Variants in ABHD18 observed in about 807,000 individuals in gnomAD.
ABHD18 encodes cardiolipin-specific deacylase, mitochondrial.
ABHD18 carries 55 observed loss-of-function variants against 65.9 expected under a neutral mutation model. The observed-to-expected ratio is 0.84, with a 90% confidence interval of 0.67 to 1.05. The LOEUF is 1.05. Ranked by LOEUF, ABHD18 falls within the 50% of genes least tolerant of loss-of-function variation. The pLI, the probability that ABHD18 is intolerant of heterozygous loss-of-function variation, is 0.00. For synonymous variants in ABHD18, 181 were observed against 180.2 expected (o/e 1.00, Z -0.04); for missense variants, 533 against 558.5 (o/e 0.95, Z 0.46).
intron 10 of ABHD18, among the ~76,000 whole-genome samples, chr4:128,027,921 T>C (rs140487925): frequency 2.2e-3 from 342 of 152,326 alleles, no homozygotes; most frequent in African/African-American, 7.7e-3. Context: ...GTGTAAGTCA[T>C]TTATCTTAGT....
chr4:127,987,483 A>G (rs998879065), intron 3 of ABHD18, among the ~76,000 whole-genome samples: 3 of 150,972 alleles, frequency 2.0e-5, no homozygotes, highest in Admixed American at 6.6e-5. Flanking sequence ...GCTGAGGAGC[A>G]TGGATCACTT....
intron 1 of ABHD18, among the ~76,000 whole-genome samples, chr4:127,981,403 ATAGT>A (rs34446819): frequency 0.21 from 32,172 of 151,890 alleles, 4,122 homozygotes; most frequent in Admixed American, 0.27. Flanking sequence ...TCTTATTTTG[ATAGT>A]TAGATAGATT....
rs372994672 is a variant in ABHD18, at chr4:128,008,874, T to A, written c.279-46T>A. On this transcript the variant is annotated intron_variant, in intron 4 of 12. Transcript: ENST00000645843. The stretch of plus-strand genomic sequence containing the variant: ...AAGAACTGAAAGTTTTTATTGAAAG[T>A]CCTTTAAAGAGAATTTTATTGATAA... 2.4e-5 allele frequency: 32 copies of A among 1,350,022 alleles called. No homozygotes were observed. The African/African-American group carries it at 3.4e-4, about 14-fold the overall frequency. 83.6% of individuals were successfully genotyped at this position (1,350,022 alleles called of 1,614,324 possible). A position where few individuals can be genotyped will look rare whatever the true frequency, so the allele number is the denominator to read the frequency against.
chr4:127,986,584 T>G (rs573783273), intron 3 of ABHD18, among the ~76,000 whole-genome samples: 229 of 152,348 alleles, frequency 1.5e-3, no homozygotes, highest in Non-Finnish European at 2.9e-3. Flanking sequence ...ACTGAAGAGT[T>G]TAATTATTGG....
At chr4:128,030,795 C>T in intron 12 of ABHD18, 123 bp downstream of exon 12, 1 of 1,414,464 alleles carries the variant, frequency 7.1e-7, no homozygotes, top group Non-Finnish European at 9.2e-7. Flanking sequence ...ATTCCCTCCT[C>T]ACCTCCCACA....
In ABHD18 at chr4:128,037,374, G is replaced by A. The variant is rs1758977242; in HGVS notation, c.*1561G>A. On this transcript the variant is annotated 3_prime_UTR_variant, in exon 13 of 13. Coordinates refer to ENST00000645843, the MANE Select transcript of ABHD18 (RefSeq NM_001358451.3). ...CAAAAATGGAAACATTGGAAGACCT[G>A]TTGCATTAACTGACGGAGTGCAGTG... 1 of 152,036 alleles carries A rather than the reference G, an allele frequency of 6.6e-6. No individual in the cohort carries two copies. Among genetic ancestry groups the A allele is most frequent in the African/African-American group, 2.4e-5 (1 of 41,400 alleles). The allele number at this position is 152,036 out of a possible 1,614,324, so 9.4% of individuals were successfully genotyped here.
intron 12 of ABHD18, 55 bp from the exon 13 acceptor site, chr4:128,035,707 T>A (rs978605317): frequency 9.5e-7 from 1 of 1,053,604 alleles, no homozygotes; most frequent in Non-Finnish European, 1.4e-6. Flanking sequence ...AAAGGCATTG[T>A]TTGTCCCCCC....
At chr4:128,015,829 G>A (rs897629206) in intron 7 of ABHD18, among the ~76,000 whole-genome samples, 6 of 151,704 alleles carry the variant, frequency 4.0e-5, no homozygotes, top group African/African-American at 1.5e-4. Context: ...AGTTACATGT[G>A]TCTTAATACA....
intron 10 of ABHD18, among the ~76,000 whole-genome samples, chr4:128,026,809 G>C (rs192251023): frequency 6.8e-6 from 1 of 146,318 alleles, no homozygotes; most frequent in East Asian, 2.0e-4. Context: ...TTTTTGAGAC[G>C]GAGTCTTGCT....
intron 10 of ABHD18, among the ~76,000 whole-genome samples, chr4:128,024,696 ATT>A (rs567663945): frequency 7.0e-6 from 1 of 143,214 alleles, no homozygotes. Flanking sequence ...ACCAATTTTA[ATT>A]TTTTTTTTTT....
intron 2 of ABHD18, among the ~76,000 whole-genome samples, chr4:127,983,619 A>G (rs555756457): frequency 6.6e-6 from 1 of 152,270 alleles, no homozygotes; most frequent in Admixed American, 6.5e-5. Context: ...TAATCCCAGC[A>G]CTTTGGGAGG....
At chr4:128,011,200 T>C (rs936219853) in intron 6 of ABHD18, among the ~76,000 whole-genome samples, 4 of 150,196 alleles carry the variant, frequency 2.7e-5, no homozygotes, top group Non-Finnish European at 4.4e-5. Context: ...CAGGCTGGAG[T>C]GCAGTGGCAC....
chr4:128,036,140 T>C lies in ABHD18; in HGVS notation c.*327T>C, dbSNP rs1047195996. 13 of 167,524 alleles carry C rather than the reference T, an allele frequency of 7.8e-5. No individual in the cohort carries two copies. Among genetic ancestry groups the C allele is most frequent in the Non-Finnish European group, 6.4e-5 (5 of 78,516 alleles). The allele number at this position is 167,524 out of a possible 1,614,324, so 10.4% of individuals were successfully genotyped here. The stretch of plus-strand genomic sequence containing the variant: ...TTATTAAATTAAATAAATTTATTCA[T>C]AGAAACTTTTCTGGGTTTTAGTAAA... On this transcript the variant is annotated 3_prime_UTR_variant, in exon 13 of 13. Coordinates refer to ENST00000645843, the MANE Select transcript of ABHD18 (RefSeq NM_001358451.3).
At chr4:127,980,653 G>A (rs1313984116) in intron 1 of ABHD18, among the ~76,000 whole-genome samples, 2 of 151,516 alleles carry the variant, frequency 1.3e-5, no homozygotes, top group African/African-American at 4.8e-5. Flanking sequence ...GTGAAACCCC[G>A]TCTCTACTAA....
chr4:127,986,359 T>C (rs1408916088), intron 3 of ABHD18, among the ~76,000 whole-genome samples: 2 of 152,202 alleles, frequency 1.3e-5, no homozygotes, highest in Admixed American at 6.5e-5. Flanking sequence ...CTTCTTTTTG[T>C]TTTTGTTTTT....
chr4:127,994,316 C>T (rs970044406), intron 4 of ABHD18, among the ~76,000 whole-genome samples: 1 of 152,164 alleles, frequency 6.6e-6, no homozygotes, highest in East Asian at 1.9e-4. Context: ...GCATTCAGGC[C>T]AGGCTTGGTG....
In ABHD18 at chr4:127,983,505, T is replaced by C. The variant is rs57811510; in HGVS notation, c.92+458T>C. Among the ~76,000 whole-genome samples, 431 of 151,130 alleles carry C rather than the reference T, an allele frequency of 2.9e-3. 1 individual carries two copies. The highest frequency in any genetic ancestry group is 9.8e-3 in the African/African-American group (403 of 41,140). ...ATCCCAGCACTTTGGGAGGCTGAGG[T>C]GGGTGGATCACGAAGTCAGAATTTC... On this transcript the variant is annotated intron_variant, in intron 2 of 12. Coordinates refer to ENST00000645843, the MANE Select transcript of ABHD18 (RefSeq NM_001358451.3).
chr4:127,987,905 T>A (rs1750261342), intron 3 of ABHD18, among the ~76,000 whole-genome samples: 2 of 152,164 alleles, frequency 1.3e-5, no homozygotes, highest in Admixed American at 1.3e-4. Flanking sequence ...CATACAAGCA[T>A]CCTAAAATTA....
At chr4:128,028,961 T>A in intron 11 of ABHD18, 108 bp downstream of exon 11, 2 of 878,582 alleles carry the variant, frequency 2.3e-6, no homozygotes, top group Non-Finnish European at 1.6e-6. Context: ...GGGTATATTT[T>A]TTTGTTGGCT....
Sources: allele counts gnomAD v4.1 joint callset (sites outside exome capture counted in the v4.1 genomes callset), GRCh38; gene constraint gnomAD v4.1.1; transcripts MANE v1.5; gene names NCBI Gene and HGNC (gene_info 2026-07-23, HGNC 2026-07-21).